Variants in DNAH17 observed in about 807,000 individuals in gnomAD.
DNAH17 encodes dynein axonemal heavy chain 17, also known as axonemal beta dynein heavy chain 17.
A neutral mutation model predicts 485.6 loss-of-function variants in DNAH17; 376 were observed. That is an observed-to-expected ratio of 0.77 (90% CI 0.71 to 0.84). The LOEUF is 0.84. DNAH17 is among the 40% of genes least tolerant of loss of function. DNAH17 has a pLI of 0.00. For synonymous variants in DNAH17, 3,031 were observed against 2,405.9 expected (o/e 1.26, Z -7.60); for missense variants, 6,370 against 5,839.3 (o/e 1.09, Z -2.96).
At chr17:78,462,666 A>G (rs2088194766) in intron 57 of DNAH17, among the ~76,000 whole-genome samples, 178 bp downstream of exon 57, 1 of 152,220 alleles carries the variant, frequency 6.6e-6, no homozygotes, top group Non-Finnish European at 1.5e-5. Flanking sequence ...TTGTTACGAC[A>G]AGTATACTAA....
At chr17:78,571,074 G>A (rs1413397545) in intron 5 of DNAH17, 41 bp from the exon 6 acceptor site, 6 of 1,530,070 alleles carry the variant, frequency 3.9e-6, no homozygotes, top group Non-Finnish European at 4.4e-6. Flanking sequence ...TAAGAGAGCA[G>A]AAATTGCTCA....
chr17:78,537,624 C>G (rs532334121), intron 18 of DNAH17, 143 bp from the exon 19 acceptor site: 28 of 995,074 alleles, frequency 2.8e-5, no homozygotes, highest in Middle Eastern at 3.2e-4. Context: ...CGTGTCTCAG[C>G]GCACCCCGCT....
intron 75 of DNAH17, among the ~76,000 whole-genome samples, chr17:78,431,828 A>G (rs1352120732): frequency 1.3e-5 from 2 of 152,178 alleles, no homozygotes; most frequent in Non-Finnish European, 2.9e-5. Flanking sequence ...TCAGCAGCTT[A>G]GAAGCTGCCC....
chr17:78,449,265 A>G, intron 69 of DNAH17, 149 bp downstream of exon 69: 1 of 748,912 alleles, frequency 1.3e-6, no homozygotes, highest in South Asian at 2.1e-5. Context: ...CTCAGACTTT[A>G]TAATCACCTG....
At chr17:78,561,635 G>T (rs1344290352) in intron 12 of DNAH17, 80 bp downstream of exon 12, 1 of 1,452,688 alleles carries the variant, frequency 6.9e-7, no homozygotes. Context: ...GGGTGGTCCC[G>T]CTCGGGGTTG....
chr17:78,463,474 G>T (rs34368900), intron 56 of DNAH17, among the ~76,000 whole-genome samples: 6 of 151,856 alleles, frequency 4.0e-5, no homozygotes, highest in South Asian at 2.1e-4. Context: ...ACGTGCATAC[G>T]CATTCACATA....
At chr17:78,450,923 T>G in intron 66 of DNAH17, 77 bp from the exon 67 acceptor site, 2 of 1,548,698 alleles carry the variant, frequency 1.3e-6, no homozygotes, top group Non-Finnish European at 1.8e-6. Context: ...CAGGTGGCCA[T>G]GTAGCTGAGC....
At chr17:78,433,341 C>T (rs1333375283) in intron 75 of DNAH17, among the ~76,000 whole-genome samples, 1 of 152,138 alleles carries the variant, frequency 6.6e-6, no homozygotes, top group African/African-American at 2.4e-5. Flanking sequence ...ACAGAGGGCC[C>T]CCTCCAGCGA....
chr17:78,468,578 G>T, intron 55 of DNAH17, 39 bp downstream of exon 55: 1 of 1,593,844 alleles, frequency 6.3e-7, no homozygotes, highest in South Asian at 1.1e-5. Flanking sequence ...CGGGCACCAA[G>T]CTGGGCTCTT....
intron 75 of DNAH17, among the ~76,000 whole-genome samples, chr17:78,430,385 C>T (rs1769131058): frequency 6.6e-6 from 1 of 152,218 alleles, no homozygotes; most frequent in African/African-American, 2.4e-5. Flanking sequence ...CTTCTTCCTG[C>T]TTCCGCACAC....
rs140730615 is a variant in DNAH17 at position 78,544,671 on chromosome 17, G to A, written c.2392-674C>T. 6.2e-3 allele frequency among the ~76,000 whole-genome samples: 947 copies of A among 151,996 alleles called. 11 individuals carry two copies. The highest frequency in any genetic ancestry group is 0.013 in the African/African-American group (531 of 41,472). On this transcript the variant is annotated intron_variant, in intron 16 of 80. Coordinates refer to ENST00000389840, the MANE Select transcript of DNAH17 (RefSeq NM_173628.4). The stretch of plus-strand genomic sequence containing the variant: ...CAAAAAATTAGCCGCGCATGGTGGC[G>A]GGCACCTGTAGTCCCAGCTACCAGG...
intron 35 of DNAH17, 26 bp downstream of exon 35, chr17:78,501,156 ATG>A (rs2090274221): frequency 1.3e-6 from 2 of 1,556,788 alleles, no homozygotes; most frequent in African/African-American, 2.7e-5. Flanking sequence ...CCAAGAGCAC[ATG>A]TGAGTTACTC....
intron 21 of DNAH17, 126 bp downstream of exon 21, chr17:78,530,216 AG>A (rs1185054241): frequency 8.4e-7 from 1 of 1,196,792 alleles, no homozygotes; most frequent in Non-Finnish European, 1.1e-6. Context: ...TTGGCCTTGA[AG>A]CCCAGCCTCC....
intron 27 of DNAH17, among the ~76,000 whole-genome samples, chr17:78,508,682 G>T (rs2090553988): frequency 6.6e-6 from 1 of 152,190 alleles, no homozygotes; most frequent in Admixed American, 6.5e-5. Context: ...TGGTTGCCTA[G>T]AGCTGGAGAT....
At chr17:78,516,485 G>C (rs1054148912) in intron 25 of DNAH17, among the ~76,000 whole-genome samples, 2 of 152,096 alleles carry the variant, frequency 1.3e-5, no homozygotes, top group African/African-American at 4.8e-5. Context: ...TCAGGAGTTC[G>C]ATACCAGCCT....
chr17:78,475,230 T>C (rs751867178), intron 54 of DNAH17, 48 bp downstream of exon 54: 10 of 1,593,408 alleles, frequency 6.3e-6, no homozygotes, highest in Non-Finnish European at 8.5e-6. Flanking sequence ...TTTTCTTTAC[T>C]CCCTGACCCT....
chr17:78,525,011 C>T lies in DNAH17; in HGVS notation c.3862G>A (p.Val1288Met). The part of the protein sequence containing the change: ...LLKELWDMVV[V>M]VNTSIEDWKT... ...CACGCGGCGTGCCCTGCACTCACCA[C>T]AACAACCATGTCCCAGAGCTCCTTC... Residue 1288 changes from valine to methionine, a missense_variant and splice_region_variant, in exon 25 of 81, where the codon GTG (valine) becomes ATG (methionine). By Grantham distance (21) the Val-to-Met change is conservative. Transcript: ENST00000389840. 1.2e-6 allele frequency: 2 copies of T among 1,612,508 alleles called. No individual in the cohort carries two copies. The highest frequency in any genetic ancestry group is 1.7e-6 in the Non-Finnish European group (2 of 1,178,936).
chr17:78,506,956 C>A, intron 29 of DNAH17, 110 bp from the exon 30 acceptor site: 1 of 1,446,982 alleles, frequency 6.9e-7, no homozygotes, highest in Non-Finnish European at 9.5e-7. Context: ...GCCTGGACTG[C>A]TGTTCACAGG....
rs753634898 is a variant in DNAH17, at chr17:78,561,960, G to GC, written c.1589dup (p.Leu531ProfsTer23). 1.2e-6 allele frequency: 2 copies of GC among 1,609,108 alleles called. No homozygotes were observed. Among genetic ancestry groups the GC allele is most frequent in the Non-Finnish European group, 8.5e-7 (1 of 1,177,736 alleles). ...CAAGAATCAGGGGCCGCTCCATGAGGCCCCCACACATGTACAGGAGCTGAG... is the reference window on the plus strand; with the variant it reads ...CAAGAATCAGGGGCCGCTCCATGAGGCCCCCCACACATGTACAGGAGCTGAG... On this transcript the variant is annotated frameshift_variant, in exon 12 of 81. Transcript: ENST00000389840. LOFTEE classifies it high-confidence loss of function.
Sources: gnomAD v4.1 joint callset for allele counts (sites outside exome capture counted in the v4.1 genomes callset) on GRCh38, gnomAD v4.1.1 for gene constraint, MANE v1.5 for transcripts, NCBI Gene and HGNC (gene_info 2026-07-23, HGNC 2026-07-21) for gene names.